The following SNPH variants were observed in gnomAD, a reference collection of about 807,000 sequenced individuals.
SNPH encodes the protein syntaphilin.
In SNPH, 10 loss-of-function variants were observed where a neutral mutation model predicts 36.8. The observed-to-expected ratio is 0.27, with a 90% CI of 0.17 to 0.46. The LOEUF is 0.46. SNPH is among the 20% of genes least tolerant of loss of function. The probability of loss-of-function intolerance (pLI) is 1.00; values close to 1 mark genes in which losing one functional copy is unlikely to be tolerated. For synonymous variants in SNPH, 281 were observed against 312.2 expected (o/e 0.90, Z 1.05); for missense variants, 622 against 744.0 (o/e 0.84, Z 1.91).
chr20:1,277,590 GTGTC>G (rs2088150532), intron 2 of SNPH, among the ~76,000 whole-genome samples: 1 of 139,926 alleles, frequency 7.1e-6, no homozygotes, highest in Non-Finnish European at 1.5e-5. Flanking sequence ...GTGTGTGTCA[GTGTC>G]TGTCTCTGTG....
Position 1,305,421 on chromosome 20 carries a change from C to T in SNPH, c.984C>T (p.Gly328=). 1.9e-6 allele frequency: 3 copies of T among 1,613,082 alleles called. No individual in the cohort carries two copies. The highest frequency in any genetic ancestry group is 2.2e-5 in the South Asian group (2 of 91,090). The stretch of plus-strand genomic sequence containing the variant: ...CGCTGCACAGCTCCTTCGGCCTGGG[C>T]CCCCGCTTCCCTGCCAGCAACACCT... ...ETSLHSSFGL[G]PRFPASNTYE... The change falls in exon 7 of 7, where the codon GGC becomes GGT. Residue 328 remains glycine, a synonymous_variant. Coordinates refer to ENST00000381867, the MANE Select transcript of SNPH (RefSeq NM_001318234.2).
intron 2 of SNPH, among the ~76,000 whole-genome samples, chr20:1,267,281 G>A (rs1005064578): frequency 6.6e-6 from 1 of 152,144 alleles, no homozygotes; most frequent in African/African-American, 2.4e-5. Flanking sequence ...CCGTCTCCCC[G>A]GAGCTTCCCT....
At chr20:1,303,335 G>A (rs1287774869) in intron 6 of SNPH, among the ~76,000 whole-genome samples, 6 of 152,220 alleles carry the variant, frequency 3.9e-5, no homozygotes, top group Non-Finnish European at 8.8e-5. Flanking sequence ...GACAGGGCTC[G>A]AAGCCATGGC....
At chr20:1,270,988 G>A (rs1422354980) in intron 2 of SNPH, among the ~76,000 whole-genome samples, 1 of 152,202 alleles carries the variant, frequency 6.6e-6, no homozygotes, top group Admixed American at 6.5e-5. Context: ...CAGGTGATGT[G>A]AAGCTCAAGC....
Position 1,276,953 on chromosome 20 carries a change from G to T in SNPH, c.-493+10193G>T, listed in dbSNP as rs1415015277. 6.6e-6 allele frequency among the ~76,000 whole-genome samples: 1 copy of T among 152,150 alleles called. No homozygotes were observed. The highest frequency in any genetic ancestry group is 1.5e-5 in the Non-Finnish European group (1 of 68,036). On this transcript the variant is annotated intron_variant, in intron 2 of 6. Transcript: ENST00000381867. This position sits in a 1 kb window ranked among gnomAD's most constrained non-coding sequence, Gnocchi z 4.6. ...TAGAAATCAGTTGGGGTTCGGCTTG[G>T]ATGTCTGTTTTGCACAGATAAAAGA...
chr20:1,272,315 CT>C (rs773164652), intron 2 of SNPH, among the ~76,000 whole-genome samples: 1 of 152,160 alleles, frequency 6.6e-6, no homozygotes, highest in Non-Finnish European at 1.5e-5. Flanking sequence ...ATTAGGAAGA[CT>C]TTACACCAAA....
chr20:1,306,199 C>A lies in SNPH; in HGVS notation c.*145C>A. On this transcript the variant is annotated 3_prime_UTR_variant, in exon 7 of 7. Coordinates refer to ENST00000381867, the MANE Select transcript of SNPH (RefSeq NM_001318234.2). Reference sequence around the variant, plus strand: ...CTTTTTTTCAAGATGTTAAAACAGTCCCGTGGAAGGAGCAGGGGTTGGAGA... The same window carrying A: ...CTTTTTTTCAAGATGTTAAAACAGTACCGTGGAAGGAGCAGGGGTTGGAGA... 1.4e-6 allele frequency: 1 copy of A among 705,358 alleles called. No homozygotes were observed. The highest frequency in any genetic ancestry group is 2.1e-6 in the Non-Finnish European group (1 of 480,478). 43.7% of individuals were successfully genotyped at this position (705,358 alleles called of 1,614,324 possible).
At chr20:1,270,794 C>T (rs189819980) in intron 2 of SNPH, among the ~76,000 whole-genome samples, 151 of 152,312 alleles carry the variant, frequency 9.9e-4, no homozygotes, top group Non-Finnish European at 1.9e-3. Context: ...TCTGGAGGAA[C>T]GCCTAACACC....
At chr20:1,273,502 T>G (rs2088096097) in intron 2 of SNPH, among the ~76,000 whole-genome samples, 1 of 152,184 alleles carries the variant, frequency 6.6e-6, no homozygotes. Flanking sequence ...CAAGATGTGG[T>G]CCCTACCCTC....
At chr20:1,298,804 T>TTGTGTGTGTG (rs3038999) in intron 5 of SNPH, among the ~76,000 whole-genome samples, 92 of 141,208 alleles carry the variant, frequency 6.5e-4, no homozygotes, top group South Asian at 2.6e-3. Context: ...TTTTTCTAAT[T>TTGTGTGTGTG]TGTGTGTGTG....
rs1027196323 is a variant in SNPH at position 1,285,129 on chromosome 20, T to C, written c.-492-9822T>C. Reference sequence around the variant, plus strand: ...GCTTTTCTGATAGACGTGAGAGTGTTGGCCTACCCGACTGGAATGATGGGA... The same window carrying C: ...GCTTTTCTGATAGACGTGAGAGTGTCGGCCTACCCGACTGGAATGATGGGA... On this transcript the variant is annotated intron_variant, in intron 2 of 6. Coordinates refer to ENST00000381867, the MANE Select transcript of SNPH (RefSeq NM_001318234.2). This position sits in a 1 kb window ranked among gnomAD's most constrained non-coding sequence, Gnocchi z 4.9. Among the ~76,000 whole-genome samples, 7 of 152,148 alleles carry C rather than the reference T, an allele frequency of 4.6e-5. No homozygotes were observed. In the East Asian group the frequency reaches 1.3e-3, roughly 29 times the overall value.
Position 1,294,580 on chromosome 20 carries a change from G to A in SNPH, c.-492-371G>A, listed in dbSNP as rs1050489199. ...CAGGTGACAGGTGTGGTGTCGGCAG[G>A]TCCTGCAGCCCAGCACCCGACACCT... On this transcript the variant is annotated intron_variant, in intron 2 of 6. Transcript: ENST00000381867. This position sits in a 1 kb window ranked among gnomAD's most constrained non-coding sequence, Gnocchi z 4.4. Among the ~76,000 whole-genome samples, 3 of 152,190 alleles carry A rather than the reference G, an allele frequency of 2.0e-5. No homozygotes were observed. The highest frequency in any genetic ancestry group is 4.4e-5 in the Non-Finnish European group (3 of 68,030).
rs1455408886 is a variant in SNPH, at chr20:1,307,785, G to C, written c.*1731G>C. 1 of 152,440 alleles carries C rather than the reference G, an allele frequency of 6.6e-6. No individual in the cohort carries two copies. Among genetic ancestry groups the C allele is most frequent in the Admixed American group, 6.5e-5 (1 of 15,298 alleles). The allele number at this position is 152,440 out of a possible 1,614,324, so 9.4% of individuals were successfully genotyped here. ...CAAAGCTCCCCCCGCCTTGGTCAGG[G>C]CCTCAGACCAGCCAACCTTTGTGGA... On this transcript the variant is annotated 3_prime_UTR_variant, in exon 7 of 7. Coordinates refer to ENST00000381867, the MANE Select transcript of SNPH (RefSeq NM_001318234.2).
In SNPH at chr20:1,304,559, T is replaced by A. The variant is rs1600266349; in HGVS notation, c.441-319T>A. Among the ~76,000 whole-genome samples the A allele has an allele frequency of 6.7e-6, 1 of 149,196 alleles. No homozygotes were observed. Among genetic ancestry groups the A allele is most frequent in the East Asian group, 2.0e-4 (1 of 5,120 alleles). On this transcript the variant is annotated intron_variant, in intron 6 of 6. Transcript: ENST00000381867. This position sits in a 1 kb window ranked among gnomAD's most constrained non-coding sequence, Gnocchi z 4.3. ...GTTGTCTAGTCTCTTCTCTAGATGA[T>A]GGATTTGAATGTTGAGAGTTGTCGG...
chr20:1,280,899 C>A (rs1362074118), intron 2 of SNPH, among the ~76,000 whole-genome samples: 1 of 152,210 alleles, frequency 6.6e-6, no homozygotes, highest in Non-Finnish European at 1.5e-5. Context: ...GCCCATTCCT[C>A]TTTTAGCCCT....
intron 6 of SNPH, among the ~76,000 whole-genome samples, chr20:1,303,224 A>G (rs2088525130): frequency 6.6e-6 from 1 of 152,132 alleles, no homozygotes; most frequent in Admixed American, 6.5e-5. Context: ...GTGCTTTCGT[A>G]TCTGTGTCCC....
intron 2 of SNPH, among the ~76,000 whole-genome samples, chr20:1,279,164 A>G (rs1217655613): frequency 6.6e-6 from 1 of 152,182 alleles, no homozygotes; most frequent in Non-Finnish European, 1.5e-5. Context: ...CATCTGTACC[A>G]TTTGACATTT....
Position 1,305,910 on chromosome 20 carries a change from G to A in SNPH, c.1473G>A (p.Gln491=), listed in dbSNP as rs1202284041. The change falls in exon 7 of 7, where the codon CAG becomes CAA. Residue 491 remains glutamine, a synonymous_variant. Transcript: ENST00000381867. ...CGGTGGCCTGGCTTTGCCGCTCCCA[G>A]CGGCGCCAGGGCCAGCCCATCTACA... ...VPTVAWLCRS[Q]RRQGQPIYNI... 6.3e-7 allele frequency: 1 copy of A among 1,596,160 alleles called. No individual in the cohort carries two copies. Among genetic ancestry groups the A allele is most frequent in the Admixed American group, 1.7e-5 (1 of 57,728 alleles).
chr20:1,273,785 C>A (rs1027637409), intron 2 of SNPH, among the ~76,000 whole-genome samples: 1 of 151,964 alleles, frequency 6.6e-6, no homozygotes, highest in Non-Finnish European at 1.5e-5. Flanking sequence ...AAAGATGGGA[C>A]GGAGAAAAAA....
Sources: gnomAD v4.1 joint callset for allele counts (sites outside exome capture counted in the v4.1 genomes callset) on GRCh38, gnomAD v4.1.1 for gene constraint, Gnocchi (gnomAD v3.1) non-coding constraint, MANE v1.5 for transcripts, NCBI Gene and HGNC (gene_info 2026-07-23, HGNC 2026-07-21) for gene names.